Variants in CLVS1 observed in about 807,000 individuals in gnomAD.
CLVS1 encodes the protein clavesin-1.
A neutral mutation model predicts 33.1 loss-of-function variants in CLVS1; 10 were observed. The observed-to-expected ratio is 0.30, with a 90% CI of 0.19 to 0.51. The LOEUF (loss-of-function observed/expected upper bound fraction) is 0.51, where lower values mean the gene tolerates loss of function less well. Ranked by LOEUF, CLVS1 falls within the 20% of genes least tolerant of loss-of-function variation. The pLI is 0.97. For synonymous variants in CLVS1, 163 were observed against 166.1 expected (o/e 0.98, Z 0.14); for missense variants, 343 against 433.4 (o/e 0.79, Z 1.85).
chr8:61,394,627 C>T (rs966733168), intron 3 of CLVS1, among the ~76,000 whole-genome samples: 2 of 152,140 alleles, frequency 1.3e-5, no homozygotes, highest in Non-Finnish European at 2.9e-5. Context: ...CCAGCGGTGA[C>T]AGGCCTCACC....
chr8:61,356,539 T>G (rs1362207336), intron 2 of CLVS1, among the ~76,000 whole-genome samples: 3 of 151,726 alleles, frequency 2.0e-5, no homozygotes, highest in African/African-American at 7.3e-5. Flanking sequence ...AGGGTTTTTA[T>G]GGTTTTAGGT....
chr8:60,995,315 GA>G, the CLVS1 span, among the ~76,000 whole-genome samples: 4 of 151,484 alleles, frequency 2.6e-5, no homozygotes, highest in African/African-American at 7.3e-5. Flanking sequence ...AAATTTACAA[GA>G]AAAAAACAAA....
chr8:61,423,724 C>T lies in CLVS1; in HGVS notation c.631-30417C>T, dbSNP rs941657947. Among the ~76,000 whole-genome samples, 6 of 152,096 alleles carry T rather than the reference C, an allele frequency of 3.9e-5. No individual in the cohort carries two copies. The South Asian group carries it at 1.2e-3, about 32-fold the overall frequency. On this transcript the variant is annotated intron_variant, in intron 3 of 5. Transcript: ENST00000325897. ...AAAATGGGCATATGGGTACTGCCCA[C>T]ATAGATTTTATGCAGATTCTTAGTA...
At chr8:61,259,211 G>A (rs1375674483) in intron 2 of CLVS1, among the ~76,000 whole-genome samples, 1 of 152,196 alleles carries the variant, frequency 6.6e-6, no homozygotes, top group Non-Finnish European at 1.5e-5. Flanking sequence ...TAGATACTTG[G>A]AAAGTCAAGC....
chr8:61,212,238 C>G (rs934068430), intron 2 of CLVS1, among the ~76,000 whole-genome samples: 2 of 152,158 alleles, frequency 1.3e-5, no homozygotes, highest in Non-Finnish European at 2.9e-5. Flanking sequence ...GGAGGAACTC[C>G]CAGAAAGCTT....
At chr8:61,046,470 A>G in the CLVS1 span, among the ~76,000 whole-genome samples, 27,215 of 145,192 alleles carry the variant, frequency 0.19, 2,758 homozygotes, top group Middle Eastern at 0.32. Flanking sequence ...TTAGTGATGC[A>G]GGCTCTTTTT....
chr8:61,105,671 A>C (rs1805520481), intron 1 of CLVS1, among the ~76,000 whole-genome samples: 1 of 152,212 alleles, frequency 6.6e-6, no homozygotes, highest in Non-Finnish European at 1.5e-5. Flanking sequence ...ATTAATTTCA[A>C]GGCATGTATC....
intron 2 of CLVS1, among the ~76,000 whole-genome samples, chr8:61,321,498 A>G (rs1279768640): frequency 6.6e-6 from 1 of 151,806 alleles, no homozygotes; most frequent in Non-Finnish European, 1.5e-5. Context: ...ATGCGTGGGA[A>G]TGGTTGTTAT....
At chr8:61,236,156 T>C (rs530210232) in intron 2 of CLVS1, among the ~76,000 whole-genome samples, 9 of 152,212 alleles carry the variant, frequency 5.9e-5, no homozygotes, top group Admixed American at 3.9e-4. Flanking sequence ...GCTGATTTGA[T>C]GCTAAAATGA....
chr8:61,492,845 G>T (rs74406049), intron 5 of CLVS1, among the ~76,000 whole-genome samples: 7,483 of 152,228 alleles, frequency 0.049, 247 homozygotes, highest in Non-Finnish European at 0.07. Context: ...ATCGGGTTCA[G>T]TAAACATTAA....
intron 1 of CLVS1, among the ~76,000 whole-genome samples, chr8:61,119,575 C>CA: frequency 6.7e-6 from 1 of 149,938 alleles, no homozygotes; most frequent in Admixed American, 6.6e-5. Context: ...CTGGTGGTGA[C>CA]AAAATCTCTC....
At position 61,232,023 on chromosome 8, in the gene CLVS1, G is replaced by GTTTGTTTGTTTGTTTGTTTGTTTTTTTT; in HGVS notation, c.-151-67651_-151-67650insGTTTGTTTGTTTGTTTGTTTTTTTTTTT. On this transcript the variant is annotated intron_variant, in intron 2 of 2. Transcript: ENST00000522621. Reference sequence around the variant, plus strand: ...AGAAGGAGCCCTGAGGAAAGTTGTGGTTTTTTTTTTTTTTTTTTTTTTTTT... The same window carrying GTTTGTTTGTTTGTTTGTTTGTTTTTTTT: ...AGAAGGAGCCCTGAGGAAAGTTGTGGTTTGTTTGTTTGTTTGTTTGTTTTTTTTTTTTTTTTTTTTTTTTTTTTTTTTT... 1.9e-4 allele frequency among the ~76,000 whole-genome samples: 12 copies of GTTTGTTTGTTTGTTTGTTTGTTTTTTTT among 62,656 alleles called. 1 individual carries two copies. The highest frequency in any genetic ancestry group is 4.3e-4 in the African/African-American group (9 of 21,122). The allele number at this position is 62,656 out of a possible 152,430, so 41.1% of individuals were successfully genotyped here.
chr8:61,398,462 G>C (rs986082749), intron 3 of CLVS1, among the ~76,000 whole-genome samples: 1 of 152,092 alleles, frequency 6.6e-6, no homozygotes, highest in Non-Finnish European at 1.5e-5. Flanking sequence ...GATTGCAGAC[G>C]TGAGCCACCA....
chr8:61,267,902 A>G (rs1401114981), intron 2 of CLVS1, among the ~76,000 whole-genome samples: 1 of 152,232 alleles, frequency 6.6e-6, no homozygotes, highest in Non-Finnish European at 1.5e-5. Context: ...AATCTTTTTC[A>G]AAGTCGAGCA....
At chr8:61,035,156 TTTTTCTTTCTTTTC>T in the CLVS1 span, among the ~76,000 whole-genome samples, 1 of 150,318 alleles carries the variant, frequency 6.7e-6, no homozygotes, top group Non-Finnish European at 1.5e-5. Flanking sequence ...TGCTCTTTCA[TTTTTCTTTCTTTTC>T]TTTTCTTTTC....
At chr8:61,296,339 A>G (rs1810210494) in intron 1 of CLVS1, among the ~76,000 whole-genome samples, 1 of 152,224 alleles carries the variant, frequency 6.6e-6, no homozygotes, top group East Asian at 1.9e-4. Flanking sequence ...GCATAGCTAT[A>G]TGTGGAAGCA....
intron 3 of CLVS1, among the ~76,000 whole-genome samples, chr8:61,395,425 G>A (rs543237086): frequency 5.9e-5 from 9 of 152,176 alleles, no homozygotes; most frequent in South Asian, 4.1e-4. Context: ...ATAATGTATC[G>A]TATATTTCAA....
At chr8:61,021,151 A>G in the CLVS1 span, among the ~76,000 whole-genome samples, 25,533 of 152,140 alleles carry the variant, frequency 0.17, 2,395 homozygotes, top group East Asian at 0.3. Context: ...AGAGCCTGCA[A>G]TATAAACAGC....
At chr8:61,069,751 A>G (rs1321183825) in intron 1 of CLVS1, among the ~76,000 whole-genome samples, 3 of 151,920 alleles carry the variant, frequency 2.0e-5, no homozygotes, top group African/African-American at 7.3e-5. Flanking sequence ...TCCCCACCAC[A>G]TTCTTGAGGC....
Sources: gnomAD v4.1 joint callset for allele counts (sites outside exome capture counted in the v4.1 genomes callset) on GRCh38, gnomAD v4.1.1 for gene constraint, MANE v1.5 for transcripts, NCBI Gene and HGNC (gene_info 2026-07-23, HGNC 2026-07-21) for gene names.